Variants in MESD observed in about 807,000 individuals in gnomAD.
The protein encoded by MESD is LRP chaperone MESD.
A neutral mutation model predicts 12.9 loss-of-function variants in MESD; 7 were observed. That is an observed-to-expected ratio of 0.54 (90% confidence interval 0.31 to 1.02). MESD has a LOEUF of 1.02. Among genes scored for constraint, MESD ranks in the 50% least tolerant of loss-of-function variants. MESD has a pLI of 0.05. For missense variants in MESD, 342 were observed against 296.7 expected (o/e 1.15, Z -1.12); for synonymous variants, 126 against 115.6 (o/e 1.09, Z -0.58).
chr15:80,984,216 C>T (rs965755475), intron 1 of MESD, among the ~76,000 whole-genome samples: 1 of 151,922 alleles, frequency 6.6e-6, no homozygotes, highest in Non-Finnish European at 1.5e-5. Flanking sequence ...TATAGACTGA[C>T]AAATAAAAAA....
downstream of MESD, among the ~76,000 whole-genome samples, chr15:80,971,911 T>C (rs1167077535): frequency 3.3e-5 from 5 of 150,340 alleles, no homozygotes; most frequent in African/African-American, 7.4e-5. Context: ...GACTGCACCA[T>C]TGCACTCCAG....
At chr15:80,963,019 C>A (rs1222363736) in intron 3 of MESD, among the ~76,000 whole-genome samples, 1 of 152,072 alleles carries the variant, frequency 6.6e-6, no homozygotes, top group Non-Finnish European at 1.5e-5. Context: ...ACACAAAAAA[C>A]CCTTCAAAAA....
At chr15:80,982,315 GT>G (rs1288708551) in intron 1 of MESD, 133 bp from the exon 2 acceptor site, 1 of 687,928 alleles carries the variant, frequency 1.5e-6, no homozygotes, top group East Asian at 2.7e-5. Context: ...AAAACCAGGG[GT>G]TTTCTTCCTC....
intron 1 of MESD, 94 bp downstream of exon 1, chr15:80,989,485 G>T (rs1340757070): frequency 1.4e-6 from 2 of 1,385,098 alleles, no homozygotes; most frequent in East Asian, 2.3e-5. Context: ...GAGGTTAGGG[G>T]GTCAGAAAGG....
chr15:80,948,629 G>T (rs912474897), exon 5 of MESD: 34 of 885,926 alleles, frequency 3.8e-5, no homozygotes, highest in Non-Finnish European at 6.1e-5. Context: ...ACACATGTCA[G>T]GCACCATCAG....
chr15:80,971,370 A>G (rs1902284657), downstream of MESD, among the ~76,000 whole-genome samples: 1 of 152,178 alleles, frequency 6.6e-6, no homozygotes, highest in Non-Finnish European at 1.5e-5. Flanking sequence ...CCCTCCTTAG[A>G]AACTTTAGTT....
At chr15:80,979,529 A>C in intron 2 of MESD, 52 bp from the exon 3 acceptor site, 1 of 1,574,470 alleles carries the variant, frequency 6.4e-7, no homozygotes, top group Non-Finnish European at 8.6e-7. Context: ...TAAGGTGCTA[A>C]GGGGTCAGAG....
At chr15:80,972,382 C>G (rs1391951900), downstream of MESD, among the ~76,000 whole-genome samples, 2 of 152,220 alleles carry the variant, frequency 1.3e-5, no homozygotes, top group African/African-American at 2.4e-5. Flanking sequence ...CAGTCTCTGG[C>G]TGAGAGAGGA....
chr15:80,976,178 A>T lies in MESD; in HGVS notation c.*3041T>A, dbSNP rs1052144028. On this transcript the variant is annotated 3_prime_UTR_variant, in exon 3 of 3. Transcript: ENST00000261758. ...CACACTCGGCTAATTTTTAGTAGAG[A>T]CAGGGCTTCACCATGTTGGCCAGGC... 8 of 152,272 alleles carry T rather than the reference A, an allele frequency of 5.3e-5. No individual in the cohort carries two copies. Among genetic ancestry groups the T allele is most frequent in the Admixed American group, 1.3e-4 (2 of 15,264 alleles). The allele number at this position is 152,272 out of a possible 1,614,324, so 9.4% of individuals were successfully genotyped here.
intron 1 of MESD, among the ~76,000 whole-genome samples, chr15:80,986,237 T>C (rs944719622): frequency 1.3e-5 from 2 of 152,154 alleles, no homozygotes; most frequent in African/African-American, 2.4e-5. Flanking sequence ...AAGTGGAGAT[T>C]AGAATTGTGG....
chr15:80,956,442 T>C (rs1343190149), intron 3 of MESD, among the ~76,000 whole-genome samples: 1 of 152,158 alleles, frequency 6.6e-6, no homozygotes, highest in African/African-American at 2.4e-5. Flanking sequence ...GTGTTATTCA[T>C]GGTGAGAGCA....
Position 80,989,770 on chromosome 15 carries a change from GCGCC to G in MESD, c.18_21del (p.Trp6CysfsTer90). The G allele has an allele frequency of 6.3e-7, 1 of 1,591,040 alleles. No homozygotes were observed. The highest frequency in any genetic ancestry group is 8.5e-7 in the Non-Finnish European group (1 of 1,175,418). On this transcript the variant is annotated frameshift_variant, in exon 1 of 3. Transcript: ENST00000261758. LOFTEE classifies it high-confidence loss of function. ...GCACAAAGCAGGACCACGGCCTTGC[GCGCC>G]CACCTGGAAGCCGCCATTTTCGCTG...
At chr15:80,980,955 C>G (rs1199227990) in intron 2 of MESD, among the ~76,000 whole-genome samples, 1 of 151,764 alleles carries the variant, frequency 6.6e-6, no homozygotes, top group East Asian at 2.0e-4. Flanking sequence ...TCTGGAGTAG[C>G]TGGGATTACA....
chr15:80,971,886 G>C (rs1187759426), downstream of MESD, among the ~76,000 whole-genome samples: 1 of 151,258 alleles, frequency 6.6e-6, no homozygotes, highest in East Asian at 2.0e-4. Flanking sequence ...GGAGGTGAAG[G>C]TTGCAGTGAG....
chr15:80,955,812 G>C (rs1901970193), intron 3 of MESD, among the ~76,000 whole-genome samples: 1 of 151,830 alleles, frequency 6.6e-6, no homozygotes, highest in African/African-American at 2.4e-5. Flanking sequence ...AGTAGAGACG[G>C]GTTTTCGCCA....
chr15:80,963,790 TA>T (rs1226188507), intron 3 of MESD, among the ~76,000 whole-genome samples: 1 of 152,210 alleles, frequency 6.6e-6, no homozygotes, highest in Non-Finnish European at 1.5e-5. Context: ...CCTTTCATGC[TA>T]AAAACTCTCA....
chr15:80,983,230 G>T (rs975837171), intron 1 of MESD, among the ~76,000 whole-genome samples: 1 of 150,422 alleles, frequency 6.6e-6, no homozygotes. Flanking sequence ...GAGACAGAAC[G>T]AGACCCTGTC....
intron 4 of MESD, chr15:80,948,966 G>A (rs748300282): frequency 1.2e-5 from 20 of 1,612,970 alleles, no homozygotes; most frequent in South Asian, 8.8e-5. Context: ...AGACTATGAC[G>A]GTGACTCTTG....
At chr15:80,963,145 A>G (rs918443777) in intron 3 of MESD, among the ~76,000 whole-genome samples, 10 of 152,358 alleles carry the variant, frequency 6.6e-5, no homozygotes, top group African/African-American at 2.4e-4. Flanking sequence ...GATAAAGTGG[A>G]TATTACCACC....
Sources: allele counts gnomAD v4.1 joint callset (sites outside exome capture counted in the v4.1 genomes callset), GRCh38; gene constraint gnomAD v4.1.1; transcripts MANE v1.5; gene names NCBI Gene and HGNC (gene_info 2026-07-23, HGNC 2026-07-21).